AFF1: variants seen among roughly 807,000 people sequenced by gnomAD.
AFF1 encodes the protein AF4/FMR2 family member 1.
In AFF1, 48 loss-of-function variants were observed where a neutral mutation model predicts 121.7. That is an observed-to-expected ratio of 0.39 (90% CI 0.31 to 0.50). The LOEUF (loss-of-function observed/expected upper bound fraction) is 0.50. Ranked by LOEUF, AFF1 falls within the 20% of genes least tolerant of loss-of-function variation. AFF1 has a pLI of 0.76. For missense variants in AFF1, 1,523 were observed against 1,511.7 expected (o/e 1.01, Z -0.12); for synonymous variants, 613 against 563.0 (o/e 1.09, Z -1.26).
At chr4:87,094,593 A>T (rs1031336898) in intron 7 of AFF1, among the ~76,000 whole-genome samples, 2 of 152,198 alleles carry the variant, frequency 1.3e-5, no homozygotes, top group Non-Finnish European at 2.9e-5. Context: ...CGCTGGGAGC[A>T]TAGCCCTGGC....
At chr4:86,946,786 G>T (rs1456627588) in intron 1 of AFF1, among the ~76,000 whole-genome samples, 1 of 152,014 alleles carries the variant, frequency 6.6e-6, no homozygotes. Context: ...ACCCCTCTCA[G>T]ATTGATAGCC....
chr4:87,084,395 T>C (rs1723485452), intron 5 of AFF1, among the ~76,000 whole-genome samples: 2 of 151,728 alleles, frequency 1.3e-5, no homozygotes, highest in South Asian at 4.2e-4. Context: ...TACAAAAAAT[T>C]AGCCAGGAGT....
chr4:87,096,390 C>CTTT (rs11301562), intron 8 of AFF1, among the ~76,000 whole-genome samples: 4 of 68,286 alleles, frequency 5.9e-5, no homozygotes, highest in East Asian at 5.5e-4. Flanking sequence ...ACACACCCGG[C>CTTT]TTTTTTTTTT....
At chr4:86,959,070 A>T (rs1441368976) in intron 2 of AFF1, among the ~76,000 whole-genome samples, 1 of 152,238 alleles carries the variant, frequency 6.6e-6, no homozygotes, top group African/African-American at 2.4e-5. Context: ...GTTATTAAAC[A>T]TCTACAATGC....
In AFF1 at chr4:87,010,083, C is replaced by T. The variant is rs1252048529; in HGVS notation, c.39-36083C>T. ...CTCCTTAAGACAAGATACTGTCTCCCACATTTTAGTCTCCCCTACATAAGC... is the reference window on the plus strand; with the variant it reads ...CTCCTTAAGACAAGATACTGTCTCCTACATTTTAGTCTCCCCTACATAAGC... On this transcript the variant is annotated intron_variant, in intron 2 of 20. Coordinates refer to ENST00000395146, the MANE Select transcript of AFF1 (RefSeq NM_001166693.3). 2.0e-5 allele frequency among the ~76,000 whole-genome samples: 3 copies of T among 152,158 alleles called. No homozygotes were observed. In the East Asian group the frequency reaches 5.8e-4, roughly 29 times the overall value.
intron 4 of AFF1, among the ~76,000 whole-genome samples, chr4:87,082,970 G>C (rs781143785): frequency 6.6e-6 from 1 of 152,178 alleles, no homozygotes; most frequent in South Asian, 2.1e-4. Flanking sequence ...GGACCAAAAA[G>C]AGCAGAGTTT....
At chr4:87,035,275 C>G (rs1469875313) in intron 2 of AFF1, among the ~76,000 whole-genome samples, 1 of 151,994 alleles carries the variant, frequency 6.6e-6, no homozygotes, top group East Asian at 1.9e-4. Flanking sequence ...AATACTCACC[C>G]AGGAGGCCTG....
chr4:87,008,471 TTTC>T (rs1371119050), intron 2 of AFF1, among the ~76,000 whole-genome samples: 11 of 152,368 alleles, frequency 7.2e-5, no homozygotes, highest in Admixed American at 2.6e-4. Context: ...GCTTTTTATA[TTTC>T]TTCTTCTCAA....
intron 5 of AFF1, among the ~76,000 whole-genome samples, chr4:87,088,668 G>A (rs1030954832): frequency 2.0e-4 from 30 of 152,082 alleles, no homozygotes; most frequent in African/African-American, 6.8e-4. Flanking sequence ...GCAATGGTGC[G>A]ATCCCCGCTC....
rs769249875 is a variant in AFF1, at chr4:87,131,211, T to A, written c.3093T>A (p.Asp1031Glu). Residue 1031 changes from aspartate to glutamate, a missense_variant, in exon 17 of 21, where the codon GAT becomes GAA. Around this residue, in one of 5 missense-constraint regions of AFF1, gnomAD observed 241 missense variants for 265.2 expected, o/e 0.91. Transcript: ENST00000395146. ...SAYSVYSETV[D>E]LIKFIMSLKS... ...ACTCTGTCTACTCAGAAACTGTAGATCTCATTAAGTAAGTGCCGAGTCATT... is the reference window on the plus strand; with the variant it reads ...ACTCTGTCTACTCAGAAACTGTAGAACTCATTAAGTAAGTGCCGAGTCATT... 2 of 1,614,170 alleles carry A rather than the reference T, an allele frequency of 1.2e-6. No individual in the cohort carries two copies. Among genetic ancestry groups the A allele is most frequent in the Non-Finnish European group, 1.7e-6 (2 of 1,180,028 alleles).
chr4:87,029,109 T>A (rs1728817104), intron 2 of AFF1, among the ~76,000 whole-genome samples: 1 of 152,216 alleles, frequency 6.6e-6, no homozygotes, highest in Admixed American at 6.5e-5. Context: ...GTCAGATACC[T>A]GGATGCCTGT....
At chr4:87,107,786 T>TA (rs542710263) in intron 10 of AFF1, among the ~76,000 whole-genome samples, 56 of 152,226 alleles carry the variant, frequency 3.7e-4, no homozygotes, top group African/African-American at 1.3e-3. Flanking sequence ...CATAGTACAT[T>TA]AAAAAAATGG....
rs767919908 is a variant in AFF1 at position 87,114,467 on chromosome 4, C to A, written c.1634C>A (p.Pro545Gln). The A allele has an allele frequency of 1.2e-6, 2 of 1,613,784 alleles. No homozygotes were observed. The highest frequency in any genetic ancestry group is 1.3e-5 in the African/African-American group (1 of 75,050). Residue 545 changes from proline to glutamine, a missense_variant, in exon 12 of 21, where the codon CCA becomes CAA. By Grantham distance (76) the Pro-to-Gln change is moderately conservative (BLOSUM62 -1). Coordinates refer to ENST00000395146, the MANE Select transcript of AFF1 (RefSeq NM_001166693.3). ...PPEGPRSTEP[P>Q]RRHPESKGSS... ...GAGGGCCCCAGGAGCACAGAGCCCCCACGGCGGCACCCAGAGAGTAAGGGC... is the reference window on the plus strand; with the variant it reads ...GAGGGCCCCAGGAGCACAGAGCCCCAACGGCGGCACCCAGAGAGTAAGGGC...
chr4:86,948,424 T>G (rs1055586356), intron 1 of AFF1, 74 bp from the exon 2 acceptor site: 10 of 971,740 alleles, frequency 1.0e-5, no homozygotes, highest in African/African-American at 8.2e-5. Context: ...CAATAAAGCT[T>G]CTTACAGGTC....
chr4:87,102,304 T>C (rs1037977857), intron 8 of AFF1, among the ~76,000 whole-genome samples: 6 of 152,186 alleles, frequency 3.9e-5, no homozygotes, highest in African/African-American at 1.4e-4. Flanking sequence ...TTAAAGTATA[T>C]AAGGTTTAAA....
chr4:86,950,085 C>G, intron 2 of AFF1: 1 of 1,614,064 alleles, frequency 6.2e-7, no homozygotes, highest in Non-Finnish European at 8.5e-7. Context: ...GCGGCGAAGC[C>G]CCAGTAGTAG....
At chr4:87,038,091 A>G (rs2149595652) in intron 2 of AFF1, among the ~76,000 whole-genome samples, 1 of 152,324 alleles carries the variant, frequency 6.6e-6, no homozygotes, top group South Asian at 2.1e-4. Flanking sequence ...CAGGAAAACA[A>G]CTGACATCGT....
Position 87,105,695 on chromosome 4 carries a change from C to G in AFF1, c.1338+13C>G. The G allele has an allele frequency of 1.9e-6, 3 of 1,614,172 alleles. No homozygotes were observed. The highest frequency in any genetic ancestry group is 2.5e-6 in the Non-Finnish European group (3 of 1,180,010). ...TGACAGTGAACAAGTAAGTGTTGCA[C>G]AGCCTGTAATACCAGGAGTCCTTTT... On this transcript the variant is annotated intron_variant, in intron 9 of 20. Coordinates refer to ENST00000395146, the MANE Select transcript of AFF1 (RefSeq NM_001166693.3).
At chr4:87,068,931 G>C (rs1721665817) in intron 4 of AFF1, among the ~76,000 whole-genome samples, 1 of 152,202 alleles carries the variant, frequency 6.6e-6, no homozygotes, top group African/African-American at 2.4e-5. Context: ...GTTCACAGAG[G>C]TGAGTGCCCC....
Sources: gnomAD v4.1 joint callset for allele counts (sites outside exome capture counted in the v4.1 genomes callset) on GRCh38, gnomAD v4.1.1 for gene constraint, gnomAD v4.1.1 regional missense constraint, MANE v1.5 for transcripts, NCBI Gene and HGNC (gene_info 2026-07-23, HGNC 2026-07-21) for gene names.